The following SNAP91 variants were observed in gnomAD, a reference collection of about 807,000 sequenced individuals.
SNAP91 encodes clathrin coat assembly protein AP180.
SNAP91 carries 27 observed loss-of-function variants against 100.3 expected under a neutral mutation model. That is an observed-to-expected ratio of 0.27 (90% confidence interval 0.20 to 0.37). SNAP91 has a LOEUF of 0.37. Ranked by LOEUF, SNAP91 falls within the 10% of genes least tolerant of loss-of-function variation. The pLI, the probability that SNAP91 is intolerant of heterozygous loss-of-function variation, is 1.00. For synonymous variants in SNAP91, 404 were observed against 398.6 expected, an observed-to-expected ratio of 1.01 and a Z score of -0.16; for missense variants, 986 against 1,123.7, an observed-to-expected ratio of 0.88 and a Z score of 1.75.
intron 9 of SNAP91, among the ~76,000 whole-genome samples, chr6:83,618,863 G>A (rs2096601999): frequency 6.6e-6 from 1 of 151,880 alleles, no homozygotes; most frequent in East Asian, 1.9e-4. Context: ...AAGAAAGGGT[G>A]ATTTTTTTGG....
chr6:83,594,986 T>C (rs1033005572), intron 16 of SNAP91, among the ~76,000 whole-genome samples: 1 of 152,286 alleles, frequency 6.6e-6, no homozygotes, highest in Middle Eastern at 3.4e-3. Flanking sequence ...TTTTTTATAA[T>C]CTAGTACAGG....
Position 83,610,669 on chromosome 6 carries a change from GC to G in SNAP91, c.892del (p.Ala298LeufsTer5). 1 of 565,376 alleles carries G rather than the reference GC, an allele frequency of 1.8e-6. No homozygotes were observed. The allele number at this position is 565,376 out of a possible 1,614,324, so 35.0% of individuals were successfully genotyped here. On this transcript the variant is annotated frameshift_variant, in exon 12 of 30. Transcript: ENST00000369694. LOFTEE classifies it high-confidence loss of function. ...ACTTACCTTACTTAATGGAGAGGGA[GC>G]ACCAGATCTAAAAGGCAACATAAAA... ...KKPGNNEGSG[A>X]PSPLSKSSPA...
chr6:83,656,960 T>G (rs1340247057), intron 6 of SNAP91, 95 bp from the exon 7 acceptor site: 2 of 594,084 alleles, frequency 3.4e-6, no homozygotes, highest in Admixed American at 6.6e-5. Context: ...TACTAAGAAA[T>G]TCATGAATAT....
intron 8 of SNAP91, among the ~76,000 whole-genome samples, chr6:83,628,828 T>G (rs1355366782): frequency 6.6e-6 from 1 of 152,154 alleles, no homozygotes; most frequent in Non-Finnish European, 1.5e-5. Flanking sequence ...TTTACTCTGC[T>G]GACTATTCCT....
chr6:83,570,914 G>A (rs1424240201), intron 26 of SNAP91, among the ~76,000 whole-genome samples: 2 of 152,044 alleles, frequency 1.3e-5, no homozygotes, highest in African/African-American at 4.8e-5. Flanking sequence ...TCCCTACTGG[G>A]GCACCACCAA....
rs1562070851 is a variant in SNAP91, at chr6:83,556,346, A to AGG, written c.2632-102_2632-101insCC. On this transcript the variant is annotated intron_variant, in intron 28 of 29. Coordinates refer to ENST00000369694, the MANE Select transcript of SNAP91 (RefSeq NM_001242792.2). Reference sequence around the variant, plus strand: ...CAGGGGGAGAGAGGGAGAGGGGGAGAGAGAGAGAGAGAGAGAGAGAGAGAG... The same window carrying AGG: ...CAGGGGGAGAGAGGGAGAGGGGGAGAGGGAGAGAGAGAGAGAGAGAGAGAGAG... 1.2e-3 allele frequency: 140 copies of AGG among 113,408 alleles called. 11 individuals are homozygous for AGG. The highest frequency in any genetic ancestry group is 2.5e-3 in the Admixed American group (23 of 9,264). 7.0% of individuals were successfully genotyped at this position (113,408 alleles called of 1,614,324 possible).
chr6:83,600,228 G>T (rs1484681995), intron 16 of SNAP91, among the ~76,000 whole-genome samples: 1 of 152,198 alleles, frequency 6.6e-6, no homozygotes, highest in African/African-American at 2.4e-5. Flanking sequence ...GTCTAGTGGA[G>T]TGCTCCTTGT....
chr6:83,567,855 T>G (rs1584330020), intron 26 of SNAP91, among the ~76,000 whole-genome samples: 1 of 151,568 alleles, frequency 6.6e-6, no homozygotes, highest in Admixed American at 6.6e-5. Flanking sequence ...CAACAGGTGC[T>G]AGAGGATGTG....
At chr6:83,679,101 A>T (rs2098951369) in intron 2 of SNAP91, among the ~76,000 whole-genome samples, 2 of 152,172 alleles carry the variant, frequency 1.3e-5, no homozygotes, top group South Asian at 4.1e-4. Flanking sequence ...CCAATATAGG[A>T]TAACAACTAT....
In SNAP91 at chr6:83,593,492, A is replaced by G. The variant is rs773424010; in HGVS notation, c.1682T>C (p.Leu561Pro). The G allele has an allele frequency of 6.4e-7, 1 of 1,551,956 alleles. No individual in the cohort carries two copies. The highest frequency in any genetic ancestry group is 8.7e-7 in the Non-Finnish European group (1 of 1,147,036). ...CAAAAAATTACCACCAAAGATATCT[A>G]GAGCAGGAGGAGCAGTGGTGGCGGT... ...AATATTAPPALDIFGDLFEST... is the reference protein window; with the variant it reads ...AATATTAPPAPDIFGDLFEST... Residue 561 changes from leucine to proline, a missense_variant, in exon 18 of 30, where the codon CTA (leucine) becomes CCA (proline). Physicochemically the swap from Leu to Pro is moderately conservative, Grantham distance 98. This residue lies in a region of SNAP91 where 575 missense variants were observed against 579.9 expected (regional missense o/e 0.99). Transcript: ENST00000369694.
chr6:83,634,156 C>T (rs749243165), intron 8 of SNAP91, among the ~76,000 whole-genome samples: 1 of 152,102 alleles, frequency 6.6e-6, no homozygotes, highest in Non-Finnish European at 1.5e-5. Flanking sequence ...TTTCTTTCTC[C>T]CTGTGGCCTT....
At chr6:83,558,917 T>G (rs941468730) in intron 28 of SNAP91, among the ~76,000 whole-genome samples, 1 of 152,200 alleles carries the variant, frequency 6.6e-6, no homozygotes, top group Non-Finnish European at 1.5e-5. Context: ...GCATGATTCA[T>G]CACTAAGACT....
intron 7 of SNAP91, among the ~76,000 whole-genome samples, chr6:83,655,213 G>A (rs1340170021): frequency 6.6e-6 from 1 of 152,182 alleles, no homozygotes; most frequent in Non-Finnish European, 1.5e-5. Flanking sequence ...CCGTGTAAAA[G>A]AGAAATTTTG....
chr6:83,674,072 GTTTTGT>G (rs1364748047), intron 2 of SNAP91, among the ~76,000 whole-genome samples: 1 of 152,092 alleles, frequency 6.6e-6, no homozygotes, highest in Non-Finnish European at 1.5e-5. Flanking sequence ...TTGTTTGTTT[GTTTTGT>G]TTTTAACTGA....
rs747281309 is a variant in SNAP91 at position 83,582,366 on chromosome 6, A to C, written c.2015-10T>G. On this transcript the variant is annotated splice_polypyrimidine_tract_variant and intron_variant, in intron 22 of 29. Coordinates refer to ENST00000369694, the MANE Select transcript of SNAP91 (RefSeq NM_001242792.2). ...AAAGAACCCCCAAATCCTGAAAAAA[A>C]GTTCCAAAAAAACAAGCAGAAATAA... 102 of 1,609,194 alleles carry C rather than the reference A, an allele frequency of 6.3e-5. No individual in the cohort carries two copies. Among genetic ancestry groups the C allele is most frequent in the Non-Finnish European group, 6.8e-6 (8 of 1,177,722 alleles).
rs1054974105 is a variant in SNAP91, at chr6:83,559,957, C to T, written c.2631+147G>A. ...TTTTCCCCCCCAAATCTCACTTTTGCAGATCTGTCTTCCAAGCTCCCTTTA... is the reference window on the plus strand; with the variant it reads ...TTTTCCCCCCCAAATCTCACTTTTGTAGATCTGTCTTCCAAGCTCCCTTTA... On this transcript the variant is annotated intron_variant, in intron 28 of 29. Coordinates refer to ENST00000369694, the MANE Select transcript of SNAP91 (RefSeq NM_001242792.2). 2.7e-5 allele frequency: 18 copies of T among 668,112 alleles called. No individual in the cohort carries two copies. In the African/African-American group the frequency reaches 3.1e-4, roughly 11 times the overall value. 41.4% of individuals were successfully genotyped at this position (668,112 alleles called of 1,614,324 possible). A position where few individuals can be genotyped will look rare whatever the true frequency, so the allele number is the denominator to read the frequency against.
intron 11 of SNAP91, among the ~76,000 whole-genome samples, chr6:83,612,213 A>C (rs1379052269): frequency 6.6e-6 from 1 of 152,150 alleles, no homozygotes; most frequent in Admixed American, 6.5e-5. Context: ...AGAGTAATAT[A>C]GTCTATGAGG....
At chr6:83,701,923 C>T (rs1027145753) in intron 2 of SNAP91, among the ~76,000 whole-genome samples, 182 of 152,288 alleles carry the variant, frequency 1.2e-3, no homozygotes, top group African/African-American at 4.2e-3. Flanking sequence ...TGTGCTTTCA[C>T]CCAATTGTTT....
chr6:83,705,700 A>C (rs1037137933), intron 2 of SNAP91, among the ~76,000 whole-genome samples: 2 of 151,952 alleles, frequency 1.3e-5, no homozygotes, highest in Non-Finnish European at 2.9e-5. Context: ...AGTCCCAGCT[A>C]CTCAGGAGGC....
Sources: allele counts gnomAD v4.1 joint callset (sites outside exome capture counted in the v4.1 genomes callset), GRCh38; gene constraint gnomAD v4.1.1; regional missense constraint gnomAD v4.1.1; transcripts MANE v1.5; gene names NCBI Gene and HGNC (gene_info 2026-07-23, HGNC 2026-07-21).